QTMAN: variants seen among roughly 807,000 people sequenced by gnomAD.
QTMAN encodes the protein tRNA-queuosine alpha-mannosyltransferase.
chr2:144,271,168 G>C, the QTMAN span, among the ~76,000 whole-genome samples: 1 of 152,128 alleles, frequency 6.6e-6, no homozygotes. Flanking sequence ...TAAGTGTAAA[G>C]ATTTCTTTAT....
the QTMAN span, among the ~76,000 whole-genome samples, chr2:144,008,651 A>G: frequency 6.6e-6 from 1 of 152,016 alleles, no homozygotes; most frequent in East Asian, 1.9e-4. Context: ...TTTCAGAGGT[A>G]GGTGAAAAAG....
At chr2:143,978,786 T>C in the QTMAN span, among the ~76,000 whole-genome samples, 11 of 152,240 alleles carry the variant, frequency 7.2e-5, 1 homozygote, top group Admixed American at 5.9e-4. Flanking sequence ...TTTTCTGTAA[T>C]CAAGTTTCTT....
chr2:144,174,554 T>C, the QTMAN span, among the ~76,000 whole-genome samples: 1 of 152,196 alleles, frequency 6.6e-6, no homozygotes. Context: ...TGATATGCTT[T>C]GGCTGTGTCC....
the QTMAN span, among the ~76,000 whole-genome samples, chr2:144,302,274 T>C: frequency 6.6e-6 from 1 of 151,778 alleles, no homozygotes; most frequent in Non-Finnish European, 1.5e-5. Context: ...CACACATATA[T>C]GTCTGTGGAC....
the QTMAN span, among the ~76,000 whole-genome samples, chr2:144,304,926 C>A: frequency 6.6e-6 from 1 of 152,144 alleles, no homozygotes; most frequent in Non-Finnish European, 1.5e-5. Flanking sequence ...AATTTCTATT[C>A]AGATACTTTT....
chr2:143,980,303 C>T, the QTMAN span, among the ~76,000 whole-genome samples: 1 of 152,102 alleles, frequency 6.6e-6, no homozygotes, highest in African/African-American at 2.4e-5. Context: ...TCTGTTCCTG[C>T]CTTAGTTTGC....
At chr2:144,084,189 T>G in the QTMAN span, among the ~76,000 whole-genome samples, 3 of 152,302 alleles carry the variant, frequency 2.0e-5, no homozygotes, top group East Asian at 5.8e-4. Flanking sequence ...CTAACATTCC[T>G]GAGAACCAGA....
the QTMAN span, among the ~76,000 whole-genome samples, chr2:144,082,220 A>G: frequency 6.6e-6 from 1 of 152,156 alleles, no homozygotes; most frequent in Non-Finnish European, 1.5e-5. Flanking sequence ...AAAACACAAC[A>G]AAAAGCCCCT....
chr2:144,098,642 G>A, the QTMAN span, among the ~76,000 whole-genome samples: 1 of 151,800 alleles, frequency 6.6e-6, no homozygotes, highest in East Asian at 1.9e-4. Flanking sequence ...TTGAACCTGG[G>A]AGGCGGACGT....
the QTMAN span, among the ~76,000 whole-genome samples, chr2:144,034,346 C>T: frequency 5.9e-5 from 9 of 152,306 alleles, no homozygotes; most frequent in African/African-American, 1.2e-4. Flanking sequence ...ACAATCCTCT[C>T]GCACTTGTTA....
At chr2:144,310,332 TAG>T in the QTMAN span, among the ~76,000 whole-genome samples, 5 of 152,068 alleles carry the variant, frequency 3.3e-5, no homozygotes, top group Admixed American at 3.3e-4. Flanking sequence ...GAAGGTTAGG[TAG>T]AGAGTCCAAA....
chr2:144,136,007 C>A, the QTMAN span, among the ~76,000 whole-genome samples: 1 of 151,956 alleles, frequency 6.6e-6, no homozygotes, highest in Non-Finnish European at 1.5e-5. Flanking sequence ...GCTAGTTCTA[C>A]CATCTAAAGA....
the QTMAN span, among the ~76,000 whole-genome samples, chr2:144,196,468 C>T: frequency 6.6e-6 from 1 of 151,934 alleles, no homozygotes; most frequent in Non-Finnish European, 1.5e-5. Context: ...CTAAAATCCC[C>T]CCATGCCCTA....
At chr2:144,173,320 T>A in the QTMAN span, among the ~76,000 whole-genome samples, 1 of 152,156 alleles carries the variant, frequency 6.6e-6, no homozygotes, top group Non-Finnish European at 1.5e-5. Context: ...AACTGTAGAA[T>A]ACAGAAAAGG....
At chr2:144,052,532 A>C in the QTMAN span, among the ~76,000 whole-genome samples, 1 of 152,222 alleles carries the variant, frequency 6.6e-6, no homozygotes, top group Non-Finnish European at 1.5e-5. Context: ...TTTTAAAATG[A>C]GGAAACTGAG....
chr2:143,985,762 G>A, the QTMAN span, among the ~76,000 whole-genome samples: 1 of 152,082 alleles, frequency 6.6e-6, no homozygotes, highest in Non-Finnish European at 1.5e-5. Flanking sequence ...TGTATTTAAG[G>A]AGCAGAACTA....
At chr2:143,998,536 T>C in the QTMAN span, among the ~76,000 whole-genome samples, 1 of 152,074 alleles carries the variant, frequency 6.6e-6, no homozygotes, top group East Asian at 1.9e-4. Flanking sequence ...AATGAAAACC[T>C]TCCTGGGTAA....
the QTMAN span, among the ~76,000 whole-genome samples, chr2:143,980,340 C>T: frequency 6.6e-6 from 1 of 152,182 alleles, no homozygotes; most frequent in Non-Finnish European, 1.5e-5. Context: ...CAGCTCCATC[C>T]ATGTCTGTGC....
chr2:144,043,199 C>T, the QTMAN span, among the ~76,000 whole-genome samples: 11 of 151,078 alleles, frequency 7.3e-5, no homozygotes, highest in Admixed American at 7.3e-4. Flanking sequence ...AGAGTTTTTA[C>T]AGCAGACGAA....
Sources: gnomAD v4.1 joint callset for allele counts (sites outside exome capture counted in the v4.1 genomes callset) on GRCh38, gnomAD v4.1.1 for gene constraint, MANE v1.5 for transcripts, NCBI Gene and HGNC (gene_info 2026-07-23, HGNC 2026-07-21) for gene names.